ATP8B4: variants seen among roughly 807,000 people sequenced by gnomAD.
ATP8B4 encodes probable phospholipid-transporting ATPase IM.
ATP8B4 carries 133 observed loss-of-function variants against 145.6 expected under a neutral mutation model. That is an observed-to-expected ratio of 0.91 (90% CI 0.79 to 1.05). The LOEUF is 1.05. Among genes scored for constraint, ATP8B4 ranks in the 50% least tolerant of loss-of-function variants. The pLI, the probability that ATP8B4 is intolerant of heterozygous loss-of-function variation, is 0.00. For synonymous variants in ATP8B4, 507 were observed against 492.9 expected (o/e 1.03, Z -0.38); for missense variants, 1,458 against 1,425.2 (o/e 1.02, Z -0.37).
rs969297812 is a variant in ATP8B4 at position 49,873,181 on chromosome 15, C to T, written c.3027+3097G>A. Among the ~76,000 whole-genome samples the T allele has an allele frequency of 3.3e-5, 5 of 152,072 alleles. No homozygotes were observed. The South Asian group carries it at 1.0e-3, about 32-fold the overall frequency. On this transcript the variant is annotated intron_variant, in intron 25 of 27. Transcript: ENST00000284509. ...GGCTGCTGAGAAGGGTAATTTGCAC[C>T]CTTCAGCTGAAAATGATACAATCTA...
intron 21 of ATP8B4, 50 bp from the exon 22 acceptor site, chr15:49,898,301 G>C: frequency 3.2e-6 from 5 of 1,539,630 alleles, no homozygotes; most frequent in Non-Finnish European, 4.4e-6. Context: ...CAATAAATGA[G>C]GGTTGAGAAA....
At position 49,899,953 on chromosome 15, in the gene ATP8B4, C is replaced by G. The variant is rs559754425; in HGVS notation, c.2289+1139G>C. ...GAGAGAGAATGGTATAAATTATCAC[C>G]TGAGTACTCTTAATGTCACCACACA... On this transcript the variant is annotated intron_variant, in intron 21 of 27. Coordinates refer to ENST00000284509, the MANE Select transcript of ATP8B4 (RefSeq NM_024837.4). 1.4e-4 allele frequency among the ~76,000 whole-genome samples: 22 copies of G among 152,266 alleles called. No homozygotes were observed. The South Asian group carries it at 4.6e-3, about 32-fold the overall frequency.
rs1286325729 is a variant in ATP8B4 at position 49,961,977 on chromosome 15, C to T, written c.1287G>A (p.Gln429=). 3 of 1,592,774 alleles carry T rather than the reference C, an allele frequency of 1.9e-6. No individual in the cohort carries two copies. Among genetic ancestry groups the T allele is most frequent in the Non-Finnish European group, 2.6e-6 (3 of 1,172,452 alleles). Residue 429 remains glutamine, a splice_region_variant and synonymous_variant, in exon 14 of 28, where the codon CAG becomes CAA. Coordinates refer to ENST00000284509, the MANE Select transcript of ATP8B4 (RefSeq NM_024837.4). Reference sequence around the variant, plus strand: ...GAATAAAATTTTATCACTTCCACACCTGAGTTATTTCTGTCTTCTGATCCA... The same window carrying T: ...GAATAAAATTTTATCACTTCCACACTTGAGTTATTTCTGTCTTCTGATCCA... ...DDLDQKTEIT[Q]EKEPVDFSVK...
intron 6 of ATP8B4, among the ~76,000 whole-genome samples, chr15:50,020,958 A>T (rs1160050174): frequency 6.6e-6 from 1 of 152,214 alleles, no homozygotes. Flanking sequence ...AAAATACCCC[A>T]GAAAATAAAA....
At chr15:50,136,579 A>T (rs2044124475) in intron 1 of ATP8B4, among the ~76,000 whole-genome samples, 1 of 152,244 alleles carries the variant, frequency 6.6e-6, no homozygotes, top group Admixed American at 6.5e-5. Context: ...CTTAATTGCT[A>T]AGTAGAAATT....
At chr15:50,073,055 A>G (rs963866996) in intron 3 of ATP8B4, among the ~76,000 whole-genome samples, 2 of 126,016 alleles carry the variant, frequency 1.6e-5, no homozygotes, top group South Asian at 5.4e-4. Flanking sequence ...CACACACACT[A>G]TACATATACG....
intron 16 of ATP8B4, among the ~76,000 whole-genome samples, chr15:49,928,244 C>T (rs2040905588): frequency 6.6e-6 from 1 of 151,974 alleles, no homozygotes; most frequent in South Asian, 2.1e-4. Flanking sequence ...CTGGGGAACA[C>T]AGAAGAATGT....
chr15:50,129,779 C>G (rs1401800269), intron 1 of ATP8B4, among the ~76,000 whole-genome samples: 3 of 151,876 alleles, frequency 2.0e-5, no homozygotes, highest in Non-Finnish European at 4.4e-5. Flanking sequence ...GAAACCCCGT[C>G]GCTACTAAAA....
intron 8 of ATP8B4, 121 bp from the exon 9 acceptor site, chr15:49,996,880 T>A: frequency 1.5e-6 from 1 of 684,008 alleles, no homozygotes; most frequent in Non-Finnish European, 2.5e-6. Flanking sequence ...GAAACTCTCC[T>A]TTGAATGTCA....
At chr15:49,883,768 T>C (rs888323574) in intron 23 of ATP8B4, among the ~76,000 whole-genome samples, 1 of 152,236 alleles carries the variant, frequency 6.6e-6, no homozygotes, top group Admixed American at 6.5e-5. Context: ...ACCTACTATG[T>C]ACCCACAATT....
intron 1 of ATP8B4, among the ~76,000 whole-genome samples, chr15:50,113,838 C>CAAAAAAAAAAAAAAAAAAAAAA (rs67648465): frequency 1.5e-5 from 1 of 67,274 alleles, no homozygotes; most frequent in African/African-American, 6.5e-5. Context: ...AACTCCATCT[C>CAAAAAAAAAAAAAAAAAAAAAA]AAAAAAAAAA....
At chr15:50,089,694 C>T (rs556447705) in intron 2 of ATP8B4, among the ~76,000 whole-genome samples, 9 of 151,520 alleles carry the variant, frequency 5.9e-5, no homozygotes, top group Non-Finnish European at 1.3e-4. Flanking sequence ...GACAGAGTCT[C>T]ACTCTGTCTC....
intron 25 of ATP8B4, 128 bp from the exon 26 acceptor site, chr15:49,866,612 G>T: frequency 9.4e-7 from 1 of 1,067,478 alleles, no homozygotes; most frequent in Non-Finnish European, 1.4e-6. Flanking sequence ...CAAGCCAACC[G>T]CGGGCATCCC....
At chr15:49,927,604 T>A (rs1017858770) in intron 16 of ATP8B4, among the ~76,000 whole-genome samples, 4 of 152,136 alleles carry the variant, frequency 2.6e-5, no homozygotes, top group African/African-American at 9.7e-5. Context: ...CATCTGATGT[T>A]TGTGGTTAGG....
chr15:50,172,829 G>A (rs1030947642), intron 1 of ATP8B4, among the ~76,000 whole-genome samples: 5 of 151,372 alleles, frequency 3.3e-5, no homozygotes, highest in African/African-American at 7.3e-5. Flanking sequence ...TCTCTGCCCC[G>A]CCACCACCCC....
intron 19 of ATP8B4, among the ~76,000 whole-genome samples, chr15:49,918,063 T>A (rs1198761892): frequency 6.6e-6 from 1 of 152,348 alleles, no homozygotes; most frequent in Middle Eastern, 3.4e-3. Context: ...AATAAGTAGA[T>A]AGAATTTTAA....
intron 1 of ATP8B4, among the ~76,000 whole-genome samples, chr15:50,169,758 C>T (rs774305199): frequency 6.6e-6 from 1 of 151,818 alleles, no homozygotes; most frequent in Non-Finnish European, 1.5e-5. Flanking sequence ...AGACAAAGCC[C>T]AATGCATGGA....
chr15:50,127,118 T>A (rs999998220), intron 1 of ATP8B4, among the ~76,000 whole-genome samples: 2 of 152,200 alleles, frequency 1.3e-5, no homozygotes, highest in African/African-American at 4.8e-5. Flanking sequence ...CACTTCAAGA[T>A]GTCTCCCCCT....
chr15:50,172,829 G>C (rs1030947642), intron 1 of ATP8B4, among the ~76,000 whole-genome samples: 1 of 151,372 alleles, frequency 6.6e-6, no homozygotes, highest in Non-Finnish European at 1.5e-5. Context: ...TCTCTGCCCC[G>C]CCACCACCCC....
Sources: gnomAD v4.1 joint callset for allele counts (sites outside exome capture counted in the v4.1 genomes callset) on GRCh38, gnomAD v4.1.1 for gene constraint, MANE v1.5 for transcripts, NCBI Gene and HGNC (gene_info 2026-07-23, HGNC 2026-07-21) for gene names.